The following ADGRD1 variants were observed in gnomAD, a reference collection of about 807,000 sequenced individuals.
ADGRD1 encodes G-protein coupled receptor 133.
Under a neutral mutation model 113.4 loss-of-function variants are expected in ADGRD1, and 77 were observed. That is an observed-to-expected ratio of 0.68 (90% CI 0.57 to 0.82). The LOEUF (loss-of-function observed/expected upper bound fraction) is 0.82. Ranked by LOEUF, ADGRD1 falls within the 40% of genes least tolerant of loss-of-function variation. The probability of loss-of-function intolerance (pLI) is 0.00; values close to 1 mark genes in which losing one functional copy is unlikely to be tolerated. For missense variants in ADGRD1, 1,036 were observed against 1,139.1 expected, an observed-to-expected ratio of 0.91 and a Z score of 1.30; for synonymous variants, 474 against 475.0, an observed-to-expected ratio of 1.00 and a Z score of 0.03.
At chr12:130,968,671 T>C in intron 3 of ADGRD1, 1 of 363,054 alleles carries the variant, frequency 2.8e-6, no homozygotes, top group Non-Finnish European at 5.0e-6. Context: ...CAATTTCATA[T>C]CTCTCAACTA....
At chr12:130,970,189 G>A (rs1207457775) in intron 3 of ADGRD1, 2 of 152,192 alleles carry the variant, frequency 1.3e-5, no homozygotes, top group Non-Finnish European at 2.9e-5. Flanking sequence ...TAGCAACTGA[G>A]GCATTTATTA....
chr12:131,129,008 T>TG (rs1231319563), intron 20 of ADGRD1, among the ~76,000 whole-genome samples: 1,542 of 69,486 alleles, frequency 0.022, 57 homozygotes, highest in Middle Eastern at 0.088. Flanking sequence ...CCCTGCTGTC[T>TG]GGTGTGAGTG....
At position 131,104,925 on chromosome 12, in the gene ADGRD1, C is replaced by T; in HGVS notation, c.1766C>T (p.Ala589Val). The T allele has an allele frequency of 6.5e-7, 1 of 1,549,674 alleles. No homozygotes were observed. The highest frequency in any genetic ancestry group is 8.7e-7 in the Non-Finnish European group (1 of 1,145,830). The change falls in exon 16 of 25, where the codon GCC becomes GTC. Residue 589 changes from alanine to valine, a missense_variant. Coordinates refer to ENST00000261654, the MANE Select transcript of ADGRD1 (RefSeq NM_198827.5). Reference protein sequence around the residue: ...LCLVATLVTFAVLSSVSTIRN... With the variant: ...LCLVATLVTFVVLSSVSTIRN... ...CTGGTGGCCACGCTGGTCACCTTCG[C>T]CGTGCTGTCGTGAGTCCCCTTTTCT...
chr12:131,081,282 G>C (rs983906806), intron 14 of ADGRD1, among the ~76,000 whole-genome samples: 2 of 152,046 alleles, frequency 1.3e-5, no homozygotes, highest in African/African-American at 4.8e-5. Context: ...TATATTTCAT[G>C]TAATCATTGG....
chr12:131,063,832 T>C (rs1022182467), intron 13 of ADGRD1, among the ~76,000 whole-genome samples: 2 of 152,242 alleles, frequency 1.3e-5, no homozygotes, highest in Admixed American at 6.5e-5. Context: ...AAATTCTTGC[T>C]GGGATGACTA....
intron 8 of ADGRD1, 191 bp downstream of exon 8, chr12:130,992,583 C>A: frequency 2.0e-6 from 1 of 504,448 alleles, no homozygotes; most frequent in Non-Finnish European, 3.5e-6. Flanking sequence ...CTCAGCGGAG[C>A]TTCCTTTATG....
At chr12:131,082,479 C>T (rs1022108087) in intron 14 of ADGRD1, among the ~76,000 whole-genome samples, 15 of 152,162 alleles carry the variant, frequency 9.9e-5, no homozygotes, top group African/African-American at 2.4e-4. Context: ...TCCATCTGAG[C>T]GATGTGACTT....
chr12:131,053,353 T>C (rs903370323), intron 13 of ADGRD1, among the ~76,000 whole-genome samples: 14 of 152,262 alleles, frequency 9.2e-5, no homozygotes, highest in Non-Finnish European at 4.4e-5. Context: ...TTTTATTTTC[T>C]TGGAAACCCG....
rs976707373 is a variant in ADGRD1 at position 131,016,847 on chromosome 12, C to T, written c.1473+2507C>T. Among the ~76,000 whole-genome samples the T allele has an allele frequency of 5.3e-5, 8 of 150,726 alleles. No homozygotes were observed. The East Asian group carries it at 1.2e-3, about 22-fold the overall frequency. On this transcript the variant is annotated intron_variant, in intron 13 of 24. Coordinates refer to ENST00000261654, the MANE Select transcript of ADGRD1 (RefSeq NM_198827.5). ...GGCAGAGGTTGCAGTGAGCAGAGAT[C>T]GGGCCAGTGCGTTCCAGCCTGGGCG...
intron 15 of ADGRD1, among the ~76,000 whole-genome samples, chr12:131,098,616 A>G (rs927136780): frequency 6.6e-6 from 1 of 152,260 alleles, no homozygotes; most frequent in Middle Eastern, 3.4e-3. Flanking sequence ...TGGGTGCTCC[A>G]AGGGAGAGGG....
Position 131,059,322 on chromosome 12 carries a change from C to T in ADGRD1, c.1474-17479C>T, listed in dbSNP as rs532697255. Among the ~76,000 whole-genome samples the T allele has an allele frequency of 9.9e-5, 15 of 152,152 alleles. No individual in the cohort carries two copies. In the South Asian group the frequency reaches 2.9e-3, roughly 30 times the overall value. On this transcript the variant is annotated intron_variant, in intron 13 of 24. Coordinates refer to ENST00000261654, the MANE Select transcript of ADGRD1 (RefSeq NM_198827.5). ...CTGAGTAGCTGGGACTACAGGTGTGCTAATAGACACCATGCCCAGCTAATT... is the reference window on the plus strand; with the variant it reads ...CTGAGTAGCTGGGACTACAGGTGTGTTAATAGACACCATGCCCAGCTAATT...
In ADGRD1 at chr12:130,971,370, A is replaced by G; in HGVS notation, c.188-88A>G. The stretch of plus-strand genomic sequence containing the variant: ...GATAAATAATAATGCATACTTACAC[A>G]TAAGTTATTTGTAGGTCTGACACAC... On this transcript the variant is annotated intron_variant, in intron 3 of 24. Transcript: ENST00000261654. This position sits in a 1 kb window ranked among gnomAD's most constrained non-coding sequence, Gnocchi z 4.2. The G allele has an allele frequency of 1.1e-6, 1 of 945,530 alleles. No individual in the cohort carries two copies. The highest frequency in any genetic ancestry group is 1.6e-6 in the Non-Finnish European group (1 of 627,658). 58.6% of individuals were successfully genotyped at this position (945,530 alleles called of 1,614,324 possible). A position where few individuals can be genotyped will look rare whatever the true frequency, so the allele number is the denominator to read the frequency against.
Position 131,104,818 on chromosome 12 carries a change from C to G in ADGRD1, c.1672-13C>G, listed in dbSNP as rs186992927. 9 of 1,541,152 alleles carry G rather than the reference C, an allele frequency of 5.8e-6. No homozygotes were observed. In the Admixed American group the frequency reaches 9.8e-5, roughly 17 times the overall value. On this transcript the variant is annotated splice_polypyrimidine_tract_variant and intron_variant, in intron 15 of 24. Coordinates refer to ENST00000261654, the MANE Select transcript of ADGRD1 (RefSeq NM_198827.5). ...TGGGCCTGCTGCTGACGCCTCTGCT[C>G]TGCTCCCCGCAGCTTGCACGCGGAC...
Position 131,108,872 on chromosome 12 carries a change from G to T in ADGRD1, c.2036G>T (p.Gly679Val). 3 of 1,163,282 alleles carry T rather than the reference G, an allele frequency of 2.6e-6. No homozygotes were observed. The African/African-American group carries it at 4.7e-5, about 18-fold the overall frequency. 72.1% of individuals were successfully genotyped at this position (1,163,282 alleles called of 1,614,324 possible). A position where few individuals can be genotyped will look rare whatever the true frequency, so the allele number is the denominator to read the frequency against. Residue 679 changes from glycine to valine, a missense_variant, in exon 18 of 25, where the codon GGA (glycine) becomes GTA (valine). Transcript: ENST00000261654. ...AAGCACCGTTACTACTATGGGATGG[G>T]ATGGGGTAGGTGGGGCAGGGCAGGT... is the stretch of plus-strand genomic sequence containing the variant. ...DSKHRYYYGM[G>V]WGFPLLICII...
chr12:131,139,948 TG>T lies in ADGRD1; in HGVS notation c.*692del, dbSNP rs570686945. 9.7e-4 allele frequency: 148 copies of T among 152,486 alleles called. 1 individual carries two copies. The highest frequency in any genetic ancestry group is 1.8e-3 in the Non-Finnish European group (123 of 68,186). The allele number at this position is 152,486 out of a possible 1,614,324, so 9.4% of individuals were successfully genotyped here. On this transcript the variant is annotated 3_prime_UTR_variant, in exon 25 of 25. Transcript: ENST00000261654. ...GAGGGCGACCCCTCTGCCCTGTCCTTGGGGGGGTCCCCTCTGCTCACGTGAA... is the reference window on the plus strand; with the variant it reads ...GAGGGCGACCCCTCTGCCCTGTCCTTGGGGGGTCCCCTCTGCTCACGTGAA...
chr12:131,001,630 T>G (rs373541286), intron 9 of ADGRD1, among the ~76,000 whole-genome samples: 20 of 152,234 alleles, frequency 1.3e-4, no homozygotes, highest in Non-Finnish European at 1.0e-4. Flanking sequence ...AGTAGAAATT[T>G]ACTTCTCTGC....
At chr12:131,095,656 G>C (rs1342474996) in intron 15 of ADGRD1, among the ~76,000 whole-genome samples, 1 of 152,230 alleles carries the variant, frequency 6.6e-6, no homozygotes, top group East Asian at 1.9e-4. Flanking sequence ...CGAGGGATCG[G>C]GTCGCTTTGC....
rs190213962 is a variant in ADGRD1, at chr12:131,003,676, T to A, written c.1144+374T>A. ...CTGGGCTCCAGGGTAATTGTCACAG[T>A]TGTCTAATTGTAGAGGCAGAGGTGA... On this transcript the variant is annotated intron_variant, in intron 10 of 24. Coordinates refer to ENST00000261654, the MANE Select transcript of ADGRD1 (RefSeq NM_198827.5). The surrounding 1 kb of genome is among the most constrained non-coding windows in gnomAD (Gnocchi z 4.8). Among the ~76,000 whole-genome samples, 2 of 152,348 alleles carry A rather than the reference T, an allele frequency of 1.3e-5. No individual in the cohort carries two copies. Among genetic ancestry groups the A allele is most frequent in the East Asian group, 3.9e-4 (2 of 5,178 alleles).
intron 6 of ADGRD1, chr12:130,990,349 A>G (rs138399327): frequency 6.6e-6 from 1 of 152,388 alleles, no homozygotes; most frequent in East Asian, 1.9e-4. Flanking sequence ...ATGAAGTAGA[A>G]TATCTGGTTA....
Sources: allele counts gnomAD v4.1 joint callset (sites outside exome capture counted in the v4.1 genomes callset), GRCh38; gene constraint gnomAD v4.1.1; non-coding constraint Gnocchi (gnomAD v3.1); transcripts MANE v1.5; gene names NCBI Gene and HGNC (gene_info 2026-07-23, HGNC 2026-07-21).